EDIL3: variants seen among roughly 807,000 people sequenced by gnomAD.
EDIL3 encodes EGF-like repeat and discoidin I-like domain-containing protein 3.
A neutral mutation model predicts 67.4 loss-of-function variants in EDIL3; 37 were observed. The ratio of observed to expected loss-of-function variants is 0.55; its 90% confidence interval spans 0.42 to 0.72. The LOEUF (loss-of-function observed/expected upper bound fraction) is 0.72. Among genes scored for constraint, EDIL3 ranks in the 30% least tolerant of loss-of-function variants. The pLI is 0.00. For missense variants in EDIL3, 527 were observed against 586.3 expected, an observed-to-expected ratio of 0.90 and a Z score of 1.04; for synonymous variants, 195 against 196.3, an observed-to-expected ratio of 0.99 and a Z score of 0.05.
intron 4 of EDIL3, among the ~76,000 whole-genome samples, chr5:84,141,832 G>GT (rs1748194331): frequency 6.8e-6 from 1 of 147,748 alleles, no homozygotes; most frequent in African/African-American, 2.5e-5. Flanking sequence ...TTTGGCTTGG[G>GT]TTTTTTCCTA....
intron 5 of EDIL3, among the ~76,000 whole-genome samples, chr5:84,131,490 T>G (rs1747965821): frequency 6.6e-6 from 1 of 152,142 alleles, no homozygotes; most frequent in Admixed American, 6.6e-5. Flanking sequence ...AAAAACAGGA[T>G]CATATCATGC....
chr5:84,129,955 C>T (rs1747931831), intron 5 of EDIL3, among the ~76,000 whole-genome samples: 1 of 152,130 alleles, frequency 6.6e-6, no homozygotes, highest in African/African-American at 2.4e-5. Flanking sequence ...AACTCATCCA[C>T]TAAATATTAA....
intron 1 of EDIL3, among the ~76,000 whole-genome samples, chr5:84,278,196 G>A (rs1252808958): frequency 6.6e-6 from 1 of 152,162 alleles, no homozygotes; most frequent in Non-Finnish European, 1.5e-5. Context: ...TGGAAGAGTA[G>A]AGCATTTCAA....
intron 1 of EDIL3, among the ~76,000 whole-genome samples, chr5:84,310,045 AC>A (rs1353378753): frequency 1.3e-5 from 2 of 152,176 alleles, no homozygotes; most frequent in African/African-American, 4.8e-5. Context: ...CCTTACAAAT[AC>A]CAAATAGAAA....
At chr5:84,376,685 C>T (rs1747975084) in intron 1 of EDIL3, among the ~76,000 whole-genome samples, 1 of 152,278 alleles carries the variant, frequency 6.6e-6, no homozygotes, top group East Asian at 1.9e-4. Context: ...ATAAGAGACA[C>T]ACTGCTGTTT....
rs1304329983 is a variant in EDIL3, at chr5:84,179,959, G to T, written c.355+434C>A. Among the ~76,000 whole-genome samples, 4 of 151,286 alleles carry T rather than the reference G, an allele frequency of 2.6e-5. No homozygotes were observed. In the East Asian group the frequency reaches 7.7e-4, roughly 29 times the overall value. ...ATTTTCACACTAAAAATGCCAACATGTAAGAAGGAGAAAACTGGCTTAAGG... is the reference window on the plus strand; with the variant it reads ...ATTTTCACACTAAAAATGCCAACATTTAAGAAGGAGAAAACTGGCTTAAGG... On this transcript the variant is annotated intron_variant, in intron 4 of 10. Transcript: ENST00000296591.
intron 1 of EDIL3, among the ~76,000 whole-genome samples, chr5:84,366,479 C>G (rs1012775650): frequency 6.6e-6 from 1 of 152,146 alleles, no homozygotes; most frequent in Admixed American, 6.6e-5. Flanking sequence ...ATGCTTACTT[C>G]TTTACTTCAT....
At chr5:84,202,515 G>A (rs910341161) in intron 3 of EDIL3, among the ~76,000 whole-genome samples, 7 of 152,314 alleles carry the variant, frequency 4.6e-5, no homozygotes, top group East Asian at 1.9e-4. Context: ...ATAGCAGGGA[G>A]TGGACCTGAT....
At chr5:83,972,696 C>A (rs187025442) in intron 9 of EDIL3, among the ~76,000 whole-genome samples, 59 of 152,072 alleles carry the variant, frequency 3.9e-4, no homozygotes, top group African/African-American at 1.3e-3. Flanking sequence ...CCATCAAGAT[C>A]TCATTAAATT....
chr5:84,208,848 C>G (rs1304567730), intron 3 of EDIL3, among the ~76,000 whole-genome samples: 1 of 151,558 alleles, frequency 6.6e-6, no homozygotes, highest in African/African-American at 2.4e-5. Context: ...CTAGAAATAC[C>G]ATTTGACCCA....
At chr5:84,035,693 C>A (rs1420505492) in intron 9 of EDIL3, among the ~76,000 whole-genome samples, 1 of 152,126 alleles carries the variant, frequency 6.6e-6, no homozygotes, top group Non-Finnish European at 1.5e-5. Context: ...TTGGACTTCA[C>A]ATAAGTTCTT....
At chr5:84,204,511 C>T (rs1438450511) in intron 3 of EDIL3, among the ~76,000 whole-genome samples, 1 of 151,970 alleles carries the variant, frequency 6.6e-6, no homozygotes, top group African/African-American at 2.4e-5. Context: ...AAATTTATTT[C>T]ATTTTTTAAA....
At chr5:83,967,337 A>G (rs1447522463) in intron 9 of EDIL3, among the ~76,000 whole-genome samples, 2 of 152,142 alleles carry the variant, frequency 1.3e-5, no homozygotes, top group Non-Finnish European at 2.9e-5. Context: ...AATAAAATAA[A>G]TAAAACAACA....
intron 1 of EDIL3, among the ~76,000 whole-genome samples, chr5:84,331,079 C>T (rs901461847): frequency 3.3e-5 from 5 of 152,166 alleles, no homozygotes; most frequent in African/African-American, 1.2e-4. Flanking sequence ...CCAATTTCTC[C>T]TATTTGAAAT....
In EDIL3 at chr5:84,117,028, T is replaced by TTA. The variant is rs200301044; in HGVS notation, c.470-10199_470-10198insTA. ...ATCCAAGTTAAGTACTTATTTTTTTTTTTTTTTTTTTTTTTTTGAGACGGA... is the reference window on the plus strand; with the variant it reads ...ATCCAAGTTAAGTACTTATTTTTTTTTATTTTTTTTTTTTTTTTTGAGACGGA... On this transcript the variant is annotated intron_variant, in intron 5 of 10. Coordinates refer to ENST00000296591, the MANE Select transcript of EDIL3 (RefSeq NM_005711.5). Among the ~76,000 whole-genome samples the TTA allele has an allele frequency of 1.1e-3, 139 of 129,670 alleles. 1 individual carries two copies. The highest frequency in any genetic ancestry group is 4.0e-3 in the African/African-American group (131 of 33,020). The allele number at this position is 129,670 out of a possible 152,430, so 85.1% of individuals were successfully genotyped here. A position where few individuals can be genotyped will look rare whatever the true frequency, so the allele number is the denominator to read the frequency against.
intron 9 of EDIL3, among the ~76,000 whole-genome samples, chr5:83,987,874 T>TATATATATATATAC (rs1353333409): frequency 2.5e-4 from 36 of 145,936 alleles, no homozygotes; most frequent in Middle Eastern, 3.6e-3. Flanking sequence ...TGTATGTATA[T>TATATATATATATAC]ATATATATAT....
intron 1 of EDIL3, among the ~76,000 whole-genome samples, chr5:84,357,863 G>A (rs1466442079): frequency 6.7e-6 from 1 of 149,936 alleles, no homozygotes; most frequent in Non-Finnish European, 1.5e-5. Flanking sequence ...ACTCCAGCCT[G>A]GGTGATGGAG....
chr5:84,254,879 G>A (rs1309211817), intron 1 of EDIL3, among the ~76,000 whole-genome samples: 1 of 152,170 alleles, frequency 6.6e-6, no homozygotes, highest in Non-Finnish European at 1.5e-5. Context: ...CTGTGGCAAT[G>A]GGTGGCAGAT....
At chr5:84,199,538 A>G (rs369753999) in intron 3 of EDIL3, among the ~76,000 whole-genome samples, 2 of 152,168 alleles carry the variant, frequency 1.3e-5, no homozygotes, top group African/African-American at 4.8e-5. Flanking sequence ...AAGAAGAGAA[A>G]CATAGAGACC....
Sources: gnomAD v4.1 joint callset for allele counts (sites outside exome capture counted in the v4.1 genomes callset) on GRCh38, gnomAD v4.1.1 for gene constraint, MANE v1.5 for transcripts, NCBI Gene and HGNC (gene_info 2026-07-23, HGNC 2026-07-21) for gene names.